TSKS: variants seen among roughly 807,000 people sequenced by gnomAD.
TSKS encodes testis-specific serine kinase substrate.
A neutral mutation model predicts 68.0 loss-of-function variants in TSKS; 27 were observed. The observed-to-expected ratio is 0.40, with a 90% confidence interval of 0.29 to 0.55. TSKS has a LOEUF of 0.55. Among genes scored for constraint, TSKS ranks in the 20% least tolerant of loss-of-function variants. The probability of loss-of-function intolerance (pLI) is 0.53; values close to 1 mark genes in which losing one functional copy is unlikely to be tolerated. For missense variants in TSKS, 806 were observed against 776.0 expected (o/e 1.04, Z -0.46); for synonymous variants, 331 against 340.4 (o/e 0.97, Z 0.30).
chr19:49,749,388 C>G (rs906721454), intron 2 of TSKS, among the ~76,000 whole-genome samples: 1 of 152,170 alleles, frequency 6.6e-6, no homozygotes, highest in African/African-American at 2.4e-5. Flanking sequence ...CTCTGGTCAT[C>G]ATTACTTTAT....
intron 2 of TSKS, among the ~76,000 whole-genome samples, chr19:49,752,967 G>A (rs2084363044): frequency 1.3e-5 from 2 of 152,160 alleles, no homozygotes; most frequent in African/African-American, 2.4e-5. Context: ...GGCACACAGA[G>A]TGCCATTTGG....
In TSKS at chr19:49,744,935, A is replaced by G. The variant is rs79328212; in HGVS notation, c.1187+267T>C. Among the ~76,000 whole-genome samples, 797 of 152,078 alleles carry G rather than the reference A, an allele frequency of 5.2e-3. 7 individuals carry two copies. The highest frequency in any genetic ancestry group is 8.6e-3 in the Non-Finnish European group (585 of 67,982). ...TGGAATGCCCCTCCTAGTTCTCTTA[A>G]TTGATTTTCTCGGATCCCACTTGAC... On this transcript the variant is annotated intron_variant, in intron 7 of 10. Transcript: ENST00000246801.
chr19:49,746,432 A>G, intron 6 of TSKS, 38 bp downstream of exon 6: 1 of 1,609,280 alleles, frequency 6.2e-7, no homozygotes, highest in African/African-American at 1.3e-5. Flanking sequence ...GTCCCCGCCG[A>G]TCTCGTTTTC....
chr19:49,748,539 C>T (rs912427254), intron 2 of TSKS, 70 bp from the exon 3 acceptor site: 29 of 1,462,208 alleles, frequency 2.0e-5, no homozygotes, highest in Non-Finnish European at 2.7e-5. Flanking sequence ...GGAAGAATTC[C>T]AGAACTGGGA....
At chr19:49,745,857 C>T (rs1568561579) in intron 6 of TSKS, among the ~76,000 whole-genome samples, 2 of 152,214 alleles carry the variant, frequency 1.3e-5, no homozygotes, top group South Asian at 4.1e-4. Flanking sequence ...ACTCCCTCCT[C>T]TGCTCTTGGA....
rs1230131693 is a variant in TSKS at position 49,746,189 on chromosome 19, AC to A, written c.992+280del. Among the ~76,000 whole-genome samples the A allele has an allele frequency of 2.0e-5, 3 of 151,638 alleles. 1 individual carries two copies. Among genetic ancestry groups the A allele is most frequent in the South Asian group, 4.4e-4 (2 of 4,574 alleles). ...CAAGCGAGACTCCGCCTCAAAAAAAACAAAACAAAACAAAAAACGATCTTTG... is the reference window on the plus strand; with the variant it reads ...CAAGCGAGACTCCGCCTCAAAAAAAAAAAACAAAACAAAAAACGATCTTTG... On this transcript the variant is annotated intron_variant, in intron 6 of 10. Transcript: ENST00000246801.
At chr19:49,745,453 A>AC in intron 6 of TSKS, 57 bp from the exon 7 acceptor site, 1 of 1,381,608 alleles carries the variant, frequency 7.2e-7, no homozygotes, top group Non-Finnish European at 9.6e-7. Context: ...GTCCCCACCT[A>AC]CCCCCACGAG....
At chr19:49,751,467 TA>T (rs60405479) in intron 2 of TSKS, among the ~76,000 whole-genome samples, 31,466 of 151,846 alleles carry the variant, frequency 0.21, 4,073 homozygotes, top group African/African-American at 0.36. Flanking sequence ...TGACTCTCGA[TA>T]AAAAACGGCA....
chr19:49,753,973 C>G (rs1415988041), intron 2 of TSKS, among the ~76,000 whole-genome samples: 2 of 149,418 alleles, frequency 1.3e-5, no homozygotes, highest in African/African-American at 4.9e-5. Context: ...CAACCTCTGC[C>G]TCCTGGGTTC....
chr19:49,743,949 C>T lies in TSKS; in HGVS notation c.1361+282G>A, dbSNP rs145983180. ...CTCGAACTCCTGACACCAAGTGATC[C>T]GCCCACCTTGGTCTCCCGAAGTGCT... On this transcript the variant is annotated intron_variant, in intron 8 of 10. Transcript: ENST00000246801. 6.0e-4 allele frequency among the ~76,000 whole-genome samples: 90 copies of T among 150,218 alleles called. No homozygotes were observed. The East Asian group carries it at 0.013, about 21-fold the overall frequency.
At chr19:49,747,823 C>T (rs2084315410) in intron 4 of TSKS, among the ~76,000 whole-genome samples, 1 of 152,192 alleles carries the variant, frequency 6.6e-6, no homozygotes, top group African/African-American at 2.4e-5. Flanking sequence ...ATTCTTCTGC[C>T]TCAGCCTCCC....
At chr19:49,747,221 A>C in intron 5 of TSKS, 168 bp downstream of exon 5, 1 of 1,539,450 alleles carries the variant, frequency 6.5e-7, no homozygotes, top group Non-Finnish European at 8.7e-7. Flanking sequence ...TGGGTGTTGG[A>C]GCCTCATTTG....
intron 5 of TSKS, 110 bp from the exon 6 acceptor site, chr19:49,746,908 G>A: frequency 1.3e-6 from 2 of 1,512,406 alleles, no homozygotes; most frequent in Admixed American, 2.0e-5. Flanking sequence ...TAGAACGCCT[G>A]TGGGGACAGT....
In TSKS at chr19:49,746,477, C is replaced by T; in HGVS notation, c.985G>A (p.Glu329Lys). 6.2e-7 allele frequency: 1 copy of T among 1,613,964 alleles called. No individual in the cohort carries two copies. The highest frequency in any genetic ancestry group is 8.5e-7 in the Non-Finnish European group (1 of 1,179,944). ...CCCCTAGGTCCCGCCCACCTCAGCT[C>T]TTCGATGCCGGTGAACAGCTTCTGC... ...ELQKLFTGIE[E>K]LRREVSSLTA... The change falls in exon 6 of 11, where the codon GAG becomes AAG. Residue 329 changes from glutamate to lysine, a missense_variant. Glu to Lys is a moderately conservative substitution (Grantham distance 56, BLOSUM62 1). Transcript: ENST00000246801.
chr19:49,747,313 A>T, intron 5 of TSKS, 76 bp downstream of exon 5: 3 of 1,611,744 alleles, frequency 1.9e-6, no homozygotes, highest in Non-Finnish European at 2.5e-6. Context: ...AGGGAGTTCC[A>T]CCTAAAAGTG....
Position 49,744,291 on chromosome 19 carries a change from C to T in TSKS, c.1301G>A (p.Gly434Glu), listed in dbSNP as rs779339355. The change falls in exon 8 of 11, where the codon GGG becomes GAG. Residue 434 changes from glycine (G) to glutamate (E), a missense_variant. Gly to Glu is a moderately conservative substitution (Grantham distance 98). Coordinates refer to ENST00000246801, the MANE Select transcript of TSKS (RefSeq NM_021733.2). ...ATCCAGGTTCATGGAGAGGTCAGGC[C>T]CTCTTCGAGAGTTCTGAAATTGCCG... ...FGRQFQNSRR[G>E]PDLSMNLDRS... The T allele has an allele frequency of 1.2e-6, 2 of 1,614,096 alleles. No individual in the cohort carries two copies. The highest frequency in any genetic ancestry group is 1.7e-5 in the Admixed American group (1 of 59,984).
chr19:49,755,163 A>G (rs931405048), intron 2 of TSKS, among the ~76,000 whole-genome samples: 1 of 152,222 alleles, frequency 6.6e-6, no homozygotes, highest in Non-Finnish European at 1.5e-5. Context: ...GGGGCTCTGT[A>G]GCAGAATAAT....
intron 7 of TSKS, 54 bp from the exon 8 acceptor site, chr19:49,744,458 G>A (rs2084279862): frequency 1.3e-6 from 2 of 1,562,832 alleles, no homozygotes; most frequent in South Asian, 1.1e-5. Context: ...GTATAACCCT[G>A]GCAAGACTCC....
chr19:49,744,833 G>T (rs140189613), intron 7 of TSKS, among the ~76,000 whole-genome samples: 2 of 152,130 alleles, frequency 1.3e-5, no homozygotes, highest in South Asian at 4.1e-4. Context: ...CAAGTAATCC[G>T]CCCACGTCGG....
Sources: allele counts gnomAD v4.1 joint callset (sites outside exome capture counted in the v4.1 genomes callset), GRCh38; gene constraint gnomAD v4.1.1; transcripts MANE v1.5; gene names NCBI Gene and HGNC (gene_info 2026-07-23, HGNC 2026-07-21).